Variants in DGKI observed in about 807,000 individuals in gnomAD.
The protein encoded by DGKI is diacylglycerol kinase iota.
Under a neutral mutation model 147.5 loss-of-function variants are expected in DGKI, and 55 were observed. That is an observed-to-expected ratio of 0.37 (90% CI 0.30 to 0.47). DGKI has a LOEUF of 0.47. Among genes scored for constraint, DGKI ranks in the 20% least tolerant of loss-of-function variants. The pLI is 1.00. For synonymous variants in DGKI, 469 were observed against 477.1 expected (o/e 0.98, Z 0.22); for missense variants, 1,007 against 1,323.8 (o/e 0.76, Z 3.71).
intron 14 of DGKI, 127 bp from the exon 15 acceptor site, chr7:137,582,055 T>C: frequency 1.7e-6 from 1 of 590,562 alleles, no homozygotes; most frequent in Non-Finnish European, 3.0e-6. Flanking sequence ...CAACTCAAAG[T>C]GGAGGGTGCT....
intron 3 of DGKI, among the ~76,000 whole-genome samples, chr7:137,663,469 G>A (rs1315323777): frequency 1.3e-5 from 2 of 152,224 alleles, no homozygotes; most frequent in African/African-American, 2.4e-5. Context: ...AAGATCTGAA[G>A]TCTCTTTACG....
intron 20 of DGKI, among the ~76,000 whole-genome samples, chr7:137,533,036 G>A (rs966391511): frequency 6.6e-6 from 1 of 152,140 alleles, no homozygotes; most frequent in Non-Finnish European, 1.5e-5. Context: ...CAGGTGCAGT[G>A]GCACCTGTAA....
intron 3 of DGKI, among the ~76,000 whole-genome samples, chr7:137,674,266 G>T (rs1039211911): frequency 4.6e-5 from 7 of 152,182 alleles, no homozygotes; most frequent in African/African-American, 1.7e-4. Context: ...AGGTCACGTG[G>T]TTTAGTTTTA....
chr7:137,742,172 T>A, intron 1 of DGKI, among the ~76,000 whole-genome samples: 1 of 152,212 alleles, frequency 6.6e-6, no homozygotes, highest in Non-Finnish European at 1.5e-5. Flanking sequence ...TGTTCTCATA[T>A]GCCAAAGGCA....
intron 22 of DGKI, 126 bp from the exon 23 acceptor site, chr7:137,485,544 C>G (rs1815525742): frequency 1.4e-6 from 1 of 703,040 alleles, no homozygotes; most frequent in South Asian, 2.0e-5. Flanking sequence ...ATCGAACACA[C>G]CCAAATTCAT....
chr7:137,604,415 T>C (rs1330069936), intron 10 of DGKI, among the ~76,000 whole-genome samples: 1 of 152,204 alleles, frequency 6.6e-6, no homozygotes, highest in Non-Finnish European at 1.5e-5. Flanking sequence ...TATTTACTCT[T>C]TCTGTCTTCC....
intron 20 of DGKI, among the ~76,000 whole-genome samples, chr7:137,545,159 A>T (rs2128962941): frequency 6.6e-6 from 1 of 152,322 alleles, no homozygotes; most frequent in East Asian, 1.9e-4. Context: ...AAGGGAGATA[A>T]TTATACCACA....
chr7:137,791,474 T>G (rs1231969646), intron 1 of DGKI, among the ~76,000 whole-genome samples: 2 of 152,084 alleles, frequency 1.3e-5, no homozygotes, highest in Non-Finnish European at 2.9e-5. Flanking sequence ...CAAGCCAACT[T>G]TAAATAAAAG....
chr7:137,596,842 A>T (rs1191674391), intron 12 of DGKI, among the ~76,000 whole-genome samples: 1 of 152,238 alleles, frequency 6.6e-6, no homozygotes, highest in Non-Finnish European at 1.5e-5. Context: ...ATAGTATTCG[A>T]AGATTTTGTT....
At chr7:137,557,785 C>T (rs1156894477) in intron 19 of DGKI, among the ~76,000 whole-genome samples, 1 of 152,136 alleles carries the variant, frequency 6.6e-6, no homozygotes, top group East Asian at 1.9e-4. Flanking sequence ...GAGCGATTCC[C>T]TTCTCCAGAG....
At chr7:137,569,804 T>G (rs1305039828) in intron 19 of DGKI, among the ~76,000 whole-genome samples, 2 of 140,898 alleles carry the variant, frequency 1.4e-5, no homozygotes, top group East Asian at 4.3e-4. Context: ...CTTCCTAAAC[T>G]TAATCCTATT....
At chr7:137,733,418 A>C (rs1437540366) in intron 1 of DGKI, among the ~76,000 whole-genome samples, 3 of 152,124 alleles carry the variant, frequency 2.0e-5, no homozygotes, top group African/African-American at 7.2e-5. Flanking sequence ...CATGTGGCAG[A>C]ATCCTCTTAC....
intron 19 of DGKI, among the ~76,000 whole-genome samples, chr7:137,560,426 A>G (rs1723101): frequency 0.11 from 16,580 of 152,100 alleles, 2,020 homozygotes; most frequent in African/African-American, 0.3. Context: ...TTGGGGAAAA[A>G]AATAAACCTT....
At chr7:137,444,195 A>G (rs931707065) in intron 27 of DGKI, 93 bp from the exon 28 acceptor site, 9 of 783,266 alleles carry the variant, frequency 1.1e-5, no homozygotes, top group Admixed American at 9.4e-5. Flanking sequence ...CTCAAATTGA[A>G]TTAAATGGAA....
intron 1 of DGKI, among the ~76,000 whole-genome samples, chr7:137,698,195 T>C (rs1823861388): frequency 1.3e-5 from 2 of 151,878 alleles, no homozygotes; most frequent in South Asian, 4.1e-4. Flanking sequence ...GATAGATCCA[T>C]ATCCTGGAAA....
At chr7:137,441,028 C>T (rs115274176) in intron 28 of DGKI, among the ~76,000 whole-genome samples, 248 of 152,234 alleles carry the variant, frequency 1.6e-3, no homozygotes, top group African/African-American at 5.6e-3. Flanking sequence ...TTTTCAAGGG[C>T]GGAACATAAT....
At chr7:137,594,556 T>A (rs578033898) in intron 12 of DGKI, among the ~76,000 whole-genome samples, 4 of 152,282 alleles carry the variant, frequency 2.6e-5, no homozygotes, top group African/African-American at 9.6e-5. Context: ...TCCCTAAGCT[T>A]TGTCACTTTA....
At chr7:137,645,595 C>G (rs1371941698) in intron 5 of DGKI, 58 bp from the exon 6 acceptor site, 2 of 1,459,382 alleles carry the variant, frequency 1.4e-6, no homozygotes, top group Non-Finnish European at 1.9e-6. Context: ...TAGACAGGGT[C>G]TTGCTCTGTC....
chr7:137,776,146 C>A (rs1289941501), intron 1 of DGKI, among the ~76,000 whole-genome samples: 1 of 152,156 alleles, frequency 6.6e-6, no homozygotes, highest in Non-Finnish European at 1.5e-5. Context: ...GCGTGAGCCA[C>A]CACGCCCAGC....
Sources: gnomAD v4.1 joint callset for allele counts (sites outside exome capture counted in the v4.1 genomes callset) on GRCh38, gnomAD v4.1.1 for gene constraint, MANE v1.5 for transcripts, NCBI Gene and HGNC (gene_info 2026-07-23, HGNC 2026-07-21) for gene names.